Variants in KCNQ1OT1 observed in about 807,000 individuals in gnomAD.
The protein encoded by KCNQ1OT1 is KCNQ1 opposite strand/antisense transcript 1.
chr11:2,634,987 G>A (rs1240468098), exon 1 of KCNQ1OT1: 1 of 152,206 alleles, frequency 6.6e-6, no homozygotes, highest in African/African-American at 2.4e-5. Flanking sequence ...CTTCTTTTGA[G>A]AAGTGTCTGT....
At chr11:2,649,930 A>C (rs1481304688) in exon 1 of KCNQ1OT1, 1 of 398,356 alleles carries the variant, frequency 2.5e-6, no homozygotes, top group Non-Finnish European at 4.4e-6. Flanking sequence ...AAAATGTGAA[A>C]TATTGTTAGC....
chr11:2,630,462 G>A (rs1229271689), exon 1 of KCNQ1OT1: 2 of 398,072 alleles, frequency 5.0e-6, no homozygotes, highest in African/African-American at 2.1e-5. Context: ...TGTTTGGGGG[G>A]AATATTTTGA....
chr11:2,615,436 A>C (rs753045419), exon 1 of KCNQ1OT1: 5 of 397,840 alleles, frequency 1.3e-5, no homozygotes. Context: ...CTTTCAGTAC[A>C]TTGTTCAATA....
exon 1 of KCNQ1OT1, chr11:2,629,974 G>A (rs985458352): frequency 5.0e-6 from 2 of 396,610 alleles, no homozygotes; most frequent in Admixed American, 4.4e-5. Flanking sequence ...TAGAAGTGGT[G>A]AGAATATCTT....
At chr11:2,641,932 A>G in exon 1 of KCNQ1OT1, 1 of 398,514 alleles carries the variant, frequency 2.5e-6, no homozygotes, top group Non-Finnish European at 4.4e-6. Context: ...GTCAAAAATC[A>G]GTTGGCTGTA....
In KCNQ1OT1 at chr11:2,611,392, A is replaced by G; in HGVS notation, n.88603T>C. The G allele has an allele frequency of 2.5e-6, 1 of 397,222 alleles. No individual in the cohort carries two copies. The highest frequency in any genetic ancestry group is 4.4e-6 in the Non-Finnish European group (1 of 225,830). 24.6% of individuals were successfully genotyped at this position (397,222 alleles called of 1,614,324 possible). A position where few individuals can be genotyped will look rare whatever the true frequency, so the allele number is the denominator to read the frequency against. ...TTGCCACCATACCCAGCTAATTTTT[A>G]GTAGAGACAGAGTTTCACCATGTTG... On this transcript the variant is annotated non_coding_transcript_exon_variant, in exon 1 of 1. Coordinates refer to ENST00000597346, the Ensembl canonical transcript of KCNQ1OT1. The surrounding 1 kb of genome is among the most constrained non-coding windows in gnomAD (Gnocchi z 5.3).
exon 1 of KCNQ1OT1, chr11:2,644,294 G>A (rs879656437): frequency 7.5e-6 from 3 of 398,156 alleles, no homozygotes; most frequent in Non-Finnish European, 1.3e-5. Flanking sequence ...CTATATTTTT[G>A]TCTGAGTCAT....
At chr11:2,637,689 G>A (rs536730257) in exon 1 of KCNQ1OT1, 1 of 152,338 alleles carries the variant, frequency 6.6e-6, no homozygotes, top group South Asian at 2.1e-4. Flanking sequence ...TTCTGTAGAT[G>A]TCTATTAGGT....
chr11:2,654,905 C>T lies in KCNQ1OT1; in HGVS notation n.45090G>A, dbSNP rs1235672440. 2.3e-5 allele frequency: 9 copies of T among 398,348 alleles called. No homozygotes were observed. The highest frequency in any genetic ancestry group is 4.1e-5 in the African/African-American group (2 of 48,572). The allele number at this position is 398,348 out of a possible 1,614,324, so 24.7% of individuals were successfully genotyped here. A position where few individuals can be genotyped will look rare whatever the true frequency, so the allele number is the denominator to read the frequency against. ...AACTCTAGGATAAGATGTGCAAGGT[C>T]GTGGGCCAGAGAGCAAGGCACAGAT... On this transcript the variant is annotated non_coding_transcript_exon_variant, in exon 1 of 1. Coordinates refer to ENST00000597346, the Ensembl canonical transcript of KCNQ1OT1. The surrounding 1 kb of genome is among the most constrained non-coding windows in gnomAD (Gnocchi z 6.4).
chr11:2,622,364 C>T, exon 1 of KCNQ1OT1: 1 of 398,132 alleles, frequency 2.5e-6, no homozygotes. Flanking sequence ...GTATAATTAC[C>T]TCCAGCTTTC....
Position 2,683,115 on chromosome 11 carries a change from G to A in KCNQ1OT1, n.16880C>T, listed in dbSNP as rs911508170. ...GATTTTCTTGTTCCCAGGATATATC[G>A]CACCAACTCAGGAGGGTGTGGGGAT... On this transcript the variant is annotated non_coding_transcript_exon_variant, in exon 1 of 1. Coordinates refer to ENST00000597346, the Ensembl canonical transcript of KCNQ1OT1. The surrounding 1 kb of genome is among the most constrained non-coding windows in gnomAD (Gnocchi z 4.7). 16 of 354,632 alleles carry A rather than the reference G, an allele frequency of 4.5e-5. No homozygotes were observed. Among genetic ancestry groups the A allele is most frequent in the African/African-American group, 3.9e-4 (12 of 31,124 alleles). The allele number at this position is 354,632 out of a possible 1,614,324, so 22.0% of individuals were successfully genotyped here.
At position 2,620,214 on chromosome 11, in the gene KCNQ1OT1, T is replaced by A. The variant is rs866516619; in HGVS notation, n.79781A>T. 0.015 allele frequency: 4,070 copies of A among 272,938 alleles called. 53 individuals carry two copies. The highest frequency in any genetic ancestry group is 0.03 in the Middle Eastern group (27 of 904). The allele number at this position is 272,938 out of a possible 1,614,324, so 16.9% of individuals were successfully genotyped here. A position where few individuals can be genotyped will look rare whatever the true frequency, so the allele number is the denominator to read the frequency against. On this transcript the variant is annotated non_coding_transcript_exon_variant, in exon 1 of 1. Coordinates refer to ENST00000597346, the Ensembl canonical transcript of KCNQ1OT1. This position sits in a 1 kb window ranked among gnomAD's most constrained non-coding sequence, Gnocchi z 4.5. ...GTTCATTCATGTATATATATATATT[T>A]TTTTTTTTTATTTTTTTTTTAGACG...
rs58203092 is a variant in KCNQ1OT1, at chr11:2,620,948, G to GTTTTT, written n.79042_79046dup. On this transcript the variant is annotated non_coding_transcript_exon_variant, in exon 1 of 1. Transcript: ENST00000597346. This position sits in a 1 kb window ranked among gnomAD's most constrained non-coding sequence, Gnocchi z 4.5. ...TTTTTTGTTGTTGTTGTTTTGTTTT[G>GTTTTT]TTTTTTTTTGTCTGTTTTTTGCTTT... The GTTTTT allele has an allele frequency of 3.4e-5, 13 of 386,112 alleles. No homozygotes were observed. The highest frequency in any genetic ancestry group is 2.7e-4 in the South Asian group (2 of 7,516). 23.9% of individuals were successfully genotyped at this position (386,112 alleles called of 1,614,324 possible).
chr11:2,691,159 T>C lies in KCNQ1OT1; in HGVS notation n.8836A>G, dbSNP rs1029777364. The stretch of plus-strand genomic sequence containing the variant: ...AGAGTCTGTGCTGGCCTCTGGCCTC[T>C]CACAGCCTTGGGAGGGGTGCTCAGA... On this transcript the variant is annotated non_coding_transcript_exon_variant, in exon 1 of 1. Transcript: ENST00000597346. The surrounding 1 kb of genome is among the most constrained non-coding windows in gnomAD (Gnocchi z 6.4). 2.0e-5 allele frequency: 8 copies of C among 398,526 alleles called. No homozygotes were observed. The highest frequency in any genetic ancestry group is 3.5e-5 in the Non-Finnish European group (8 of 226,106). The allele number at this position is 398,526 out of a possible 1,614,324, so 24.7% of individuals were successfully genotyped here.
chr11:2,667,575 G>C (rs1374087186), exon 1 of KCNQ1OT1: 2 of 398,358 alleles, frequency 5.0e-6, no homozygotes, highest in Non-Finnish European at 8.8e-6. Flanking sequence ...AGTTGGGGCA[G>C]GGGGTCGGGG....
chr11:2,631,948 TGAG>T (rs1369013473), exon 1 of KCNQ1OT1: 3 of 396,610 alleles, frequency 7.6e-6, no homozygotes, highest in Non-Finnish European at 1.3e-5. Context: ...TTTGGGAGGC[TGAG>T]GAGGGCAGAT....
rs1170158899 is a variant in KCNQ1OT1 at position 2,621,258 on chromosome 11, A to G, written n.78737T>C. 1 of 398,306 alleles carries G rather than the reference A, an allele frequency of 2.5e-6. No individual in the cohort carries two copies. Among genetic ancestry groups the G allele is most frequent in the Non-Finnish European group, 4.4e-6 (1 of 226,048 alleles). 24.7% of individuals were successfully genotyped at this position (398,306 alleles called of 1,614,324 possible). ...CTCCCAAAGTGCTAGGACTACAGGC[A>G]TGAGCCACCGTGCCTGGCCTCATTA... On this transcript the variant is annotated non_coding_transcript_exon_variant, in exon 1 of 1. Transcript: ENST00000597346. The surrounding 1 kb of genome is among the most constrained non-coding windows in gnomAD (Gnocchi z 5.7).
At position 2,695,632 on chromosome 11, in the gene KCNQ1OT1, T is replaced by C; in HGVS notation, n.4363A>G. On this transcript the variant is annotated non_coding_transcript_exon_variant, in exon 1 of 1. Coordinates refer to ENST00000597346, the Ensembl canonical transcript of KCNQ1OT1. The surrounding 1 kb of genome is among the most constrained non-coding windows in gnomAD (Gnocchi z 5.2). ...CAGCATGTTTACTTAGGAGGGAAAC[T>C]GCTGGGCCACAGGTATAAAATATTT... is the stretch of plus-strand genomic sequence containing the variant. 5.0e-6 allele frequency: 2 copies of C among 398,600 alleles called. No homozygotes were observed. Among genetic ancestry groups the C allele is most frequent in the East Asian group, 3.6e-5 (1 of 28,072 alleles). 24.7% of individuals were successfully genotyped at this position (398,600 alleles called of 1,614,324 possible).
rs1036773857 is a variant in KCNQ1OT1 at position 2,641,368 on chromosome 11, T to C, written n.58627A>G. On this transcript the variant is annotated non_coding_transcript_exon_variant, in exon 1 of 1. Transcript: ENST00000597346. Reference sequence around the variant, plus strand: ...ATTCTCACTATGGTTTTGGCTTGCATTTCCCTTATAATTACTGATGTTGGG... The same window carrying C: ...ATTCTCACTATGGTTTTGGCTTGCACTTCCCTTATAATTACTGATGTTGGG... The C allele has an allele frequency of 2.5e-5, 10 of 398,456 alleles. No individual in the cohort carries two copies. The Admixed American group carries it at 3.1e-4, about 12-fold the overall frequency. The allele number at this position is 398,456 out of a possible 1,614,324, so 24.7% of individuals were successfully genotyped here. A position where few individuals can be genotyped will look rare whatever the true frequency, so the allele number is the denominator to read the frequency against.
Sources: gnomAD v4.1 joint callset for allele counts on GRCh38, gnomAD v4.1.1 for gene constraint, Gnocchi (gnomAD v3.1) non-coding constraint, MANE v1.5 for transcripts, NCBI Gene and HGNC (gene_info 2026-07-23, HGNC 2026-07-21) for gene names.